Variants in CASP10 observed in about 807,000 individuals in gnomAD.
The protein encoded by CASP10 is caspase-10.
A neutral mutation model predicts 48.5 loss-of-function variants in CASP10; 41 were observed. The observed-to-expected ratio is 0.85, with a 90% CI of 0.66 to 1.10. CASP10 has a LOEUF of 1.10. Ranked by LOEUF, CASP10 falls within the 50% of genes least tolerant of loss-of-function variation. CASP10 has a pLI of 0.00. For synonymous variants in CASP10, 232 were observed against 238.4 expected (o/e 0.97, Z 0.25); for missense variants, 614 against 614.5 (o/e 1.00, Z 0.01).
At chr2:201,188,281 G>T (rs1944484102) in intron 3 of CASP10, among the ~76,000 whole-genome samples, 1 of 152,074 alleles carries the variant, frequency 6.6e-6, no homozygotes, top group East Asian at 1.9e-4. Context: ...CTGGGTTCAA[G>T]CCATTCTCCT....
chr2:201,186,226 C>A, intron 2 of CASP10, 102 bp downstream of exon 2: 1 of 828,066 alleles, frequency 1.2e-6, no homozygotes, highest in Non-Finnish European at 2.1e-6. Context: ...TTTTGGTTAT[C>A]TACCTCCTTG....
rs753005511 is a variant in CASP10, at chr2:201,195,880, GA to G, written c.617del (p.Glu206GlyfsTer9). 3.1e-6 allele frequency: 5 copies of G among 1,613,950 alleles called. No individual in the cohort carries two copies. Among genetic ancestry groups the G allele is most frequent in the Non-Finnish European group, 4.2e-6 (5 of 1,179,880 alleles). ...GACACCTCCTGTAGACAAGGAAGCC[GA>G]GTCGTATCAAGGAGAGGAAGAACTA... ...IVTPPVDKEA[E>X]SYQGEEELVS... is the part of the protein sequence containing the mutation. On this transcript the variant is annotated frameshift_variant, in exon 5 of 10. Coordinates refer to ENST00000286186, the MANE Select transcript of CASP10 (RefSeq NM_032977.4). LOFTEE classifies it high-confidence loss of function.
rs538050354 is a variant in CASP10 at position 201,195,227 on chromosome 2, G to A, written c.578-615G>A. On this transcript the variant is annotated intron_variant, in intron 4 of 9. Coordinates refer to ENST00000286186, the MANE Select transcript of CASP10 (RefSeq NM_032977.4). ...CTGCCTCAGCCTCCTGAGTAGCTGGGATTACAGATGCCCGCCACCATGCCC... is the reference window on the plus strand; with the variant it reads ...CTGCCTCAGCCTCCTGAGTAGCTGGAATTACAGATGCCCGCCACCATGCCC... Among the ~76,000 whole-genome samples the A allele has an allele frequency of 3.3e-5, 5 of 152,096 alleles. No individual in the cohort carries two copies. The South Asian group carries it at 1.0e-3, about 32-fold the overall frequency.
chr2:201,206,796 G>A (rs1480979253), intron 7 of CASP10, among the ~76,000 whole-genome samples: 2 of 151,486 alleles, frequency 1.3e-5, no homozygotes, highest in Non-Finnish European at 1.5e-5. Context: ...CTTTTTTGAA[G>A]GCATTAGATC....
chr2:201,202,528 C>G (rs1945055554), intron 5 of CASP10, among the ~76,000 whole-genome samples: 2 of 152,202 alleles, frequency 1.3e-5, no homozygotes, highest in Non-Finnish European at 2.9e-5. Flanking sequence ...TGCATTGCCC[C>G]TAATCCCAGA....
At chr2:201,196,118 G>A (rs1944789240) in intron 5 of CASP10, 170 bp downstream of exon 5, 11 of 582,884 alleles carry the variant, frequency 1.9e-5, no homozygotes, top group Non-Finnish European at 3.4e-5. Flanking sequence ...CAACCAGAGT[G>A]CACATTTTCT....
At chr2:201,186,428 C>A in intron 2 of CASP10, 1 of 399,858 alleles carries the variant, frequency 2.5e-6, no homozygotes, top group African/African-American at 2.0e-5. Flanking sequence ...CCAGCGGCTA[C>A]ACGTGCAGAT....
At chr2:201,204,351 A>AT (rs41465050) in intron 6 of CASP10, among the ~76,000 whole-genome samples, 7 of 151,160 alleles carry the variant, frequency 4.6e-5, no homozygotes, top group East Asian at 1.9e-4. Context: ...ACCATTCCTC[A>AT]TTTTTTTTTC....
intron 5 of CASP10, among the ~76,000 whole-genome samples, chr2:201,201,143 G>A (rs924262065): frequency 2.6e-5 from 4 of 151,908 alleles, no homozygotes; most frequent in African/African-American, 9.7e-5. Context: ...TCAGCCTCCC[G>A]GGTTCAAATG....
At chr2:201,198,369 G>A (rs867560787) in intron 5 of CASP10, among the ~76,000 whole-genome samples, 48 of 150,878 alleles carry the variant, frequency 3.2e-4, no homozygotes, top group Admixed American at 7.3e-4. Flanking sequence ...GATTACAGGC[G>A]CGCATCAACA....
chr2:201,188,094 TG>T (rs1944478121), intron 3 of CASP10, among the ~76,000 whole-genome samples: 1 of 152,206 alleles, frequency 6.6e-6, no homozygotes, highest in Non-Finnish European at 1.5e-5. Context: ...GCTGGAATAA[TG>T]TTCATGAAGC....
chr2:201,213,904 CA>C (rs1443453457), intron 9 of CASP10: 1 of 152,140 alleles, frequency 6.6e-6, no homozygotes, highest in African/African-American at 2.4e-5. Flanking sequence ...TATGTTCTGT[CA>C]GAGGGCTGAG....
chr2:201,229,174 G>T, exon 10 of CASP10: 3 of 1,506,968 alleles, frequency 2.0e-6, no homozygotes, highest in Non-Finnish European at 1.8e-6. Context: ...TCCCTTTACA[G>T]CACCACCTTG....
intron 9 of CASP10, among the ~76,000 whole-genome samples, chr2:201,227,531 G>C (rs964312242): frequency 6.6e-6 from 1 of 152,066 alleles, no homozygotes; most frequent in African/African-American, 2.4e-5. Flanking sequence ...ATCCCAAACA[G>C]TTTCTTTTTT....
At chr2:201,206,696 A>G (rs1363212680) in intron 7 of CASP10, among the ~76,000 whole-genome samples, 3 of 151,206 alleles carry the variant, frequency 2.0e-5, no homozygotes, top group African/African-American at 7.3e-5. Flanking sequence ...TCTCAGGCTC[A>G]AGGAATTCTC....
At position 201,219,654 on chromosome 2, in the gene CASP10, A is replaced by G; in HGVS notation, c.*1913A>G. 1 of 983,132 alleles carries G rather than the reference A, an allele frequency of 1.0e-6. No individual in the cohort carries two copies. Among genetic ancestry groups the G allele is most frequent in the Non-Finnish European group, 1.2e-6 (1 of 829,736 alleles). The allele number at this position is 983,132 out of a possible 1,614,324, so 60.9% of individuals were successfully genotyped here. ...GCCTGAAGGGAGTGGCTCTGTAAGG[A>G]CGCCTTGATGCTTTCTTCATTAAGA... On this transcript the variant is annotated 3_prime_UTR_variant, in exon 10 of 10. Coordinates refer to ENST00000286186, the MANE Select transcript of CASP10 (RefSeq NM_032977.4).
At chr2:201,187,993 C>T (rs1291288407) in intron 3 of CASP10, among the ~76,000 whole-genome samples, 194 bp downstream of exon 3, 2 of 152,100 alleles carry the variant, frequency 1.3e-5, no homozygotes, top group Non-Finnish European at 2.9e-5. Flanking sequence ...TGCTGTGAGG[C>T]CAATGATTGA....
In CASP10 at chr2:201,217,604, T is replaced by A; in HGVS notation, c.1432T>A (p.Ser478Thr). The A allele has an allele frequency of 6.2e-7, 1 of 1,613,764 alleles. No individual in the cohort carries two copies. The highest frequency in any genetic ancestry group is 8.5e-7 in the Non-Finnish European group (1 of 1,179,630). ...KLVPRHEDIL[S>T]ILTAVNDDVS... ...TTGTTGCAGACATGAAGACATCTTA[T>A]CCATCCTCACTGCTGTCAACGATGA... is the stretch of plus-strand genomic sequence containing the variant. Residue 478 changes from serine (S) to threonine (T), a missense_variant, in exon 10 of 10, where the codon TCC becomes ACC. Physicochemically the swap from Ser to Thr is moderately conservative, Grantham distance 58. Transcript: ENST00000286186.
In CASP10 at chr2:201,193,097, A is replaced by G. The variant is rs758869726; in HGVS notation, c.555A>G (p.Ile185Met). ...TTGTACCTAAACTTTTGAGAAACAT[A>G]GAGAAATACAAAAGAGAGAAAGGTA... Reference protein sequence around the residue: ...KTVVPKLLRNIEKYKREKAIQ... With the variant: ...KTVVPKLLRNMEKYKREKAIQ... Residue 185 changes from isoleucine to methionine, a missense_variant, in exon 4 of 10, where the codon ATA (isoleucine) becomes ATG (methionine). By Grantham distance (10) the Ile-to-Met change is conservative. Transcript: ENST00000286186. 70 of 1,613,778 alleles carry G rather than the reference A, an allele frequency of 4.3e-5. No individual in the cohort carries two copies. The highest frequency in any genetic ancestry group is 5.6e-5 in the Non-Finnish European group (66 of 1,179,840).
Sources: gnomAD v4.1 joint callset for allele counts (sites outside exome capture counted in the v4.1 genomes callset) on GRCh38, gnomAD v4.1.1 for gene constraint, MANE v1.5 for transcripts, NCBI Gene and HGNC (gene_info 2026-07-23, HGNC 2026-07-21) for gene names.